The following SYN3 variants were observed in gnomAD, a reference collection of about 807,000 sequenced individuals.
The protein encoded by SYN3 is synapsin III, also known as synapsin-3.
SYN3 carries 35 observed loss-of-function variants against 65.8 expected under a neutral mutation model. The ratio of observed to expected loss-of-function variants is 0.53; its 90% CI spans 0.41 to 0.70. The LOEUF (loss-of-function observed/expected upper bound fraction) is 0.70. SYN3 is among the 30% of genes least tolerant of loss of function. SYN3 has a pLI of 0.00. For missense variants in SYN3, 680 were observed against 749.0 expected (o/e 0.91, Z 1.08); for synonymous variants, 270 against 292.9 (o/e 0.92, Z 0.80).
chr22:32,982,836 C>T (rs559039489), intron 2 of SYN3, among the ~76,000 whole-genome samples: 3 of 152,236 alleles, frequency 2.0e-5, no homozygotes, highest in African/African-American at 7.2e-5. Flanking sequence ...AACCTACAGC[C>T]TTTCTCATTA....
chr22:32,508,339 A>G lies in SYN3; in HGVS notation c.*5353T>C, dbSNP rs568241932. On this transcript the variant is annotated 3_prime_UTR_variant, in exon 14 of 14. Transcript: ENST00000358763. ...CCCACCAGAGAACAACCCCCTTTGCATGTAATTTTCCATTACCTTCCCAAA... is the reference window on the plus strand; with the variant it reads ...CCCACCAGAGAACAACCCCCTTTGCGTGTAATTTTCCATTACCTTCCCAAA... 6.6e-6 allele frequency among the ~76,000 whole-genome samples: 1 copy of G among 151,894 alleles called. No homozygotes were observed. The highest frequency in any genetic ancestry group is 2.4e-5 in the African/African-American group (1 of 41,326).
intron 6 of SYN3, among the ~76,000 whole-genome samples, chr22:32,642,901 G>C (rs971830657): frequency 6.6e-6 from 1 of 152,024 alleles, no homozygotes; most frequent in Non-Finnish European, 1.5e-5. Context: ...AAAAAGGTGA[G>C]GATGCATCTC....
chr22:32,856,619 T>C lies in SYN3; in HGVS notation c.711+8296A>G, dbSNP rs1405116369. ...ATGTATAGTAATCAAATCAGGGTAA[T>C]TGGGATATTCATAACCTTAAACATT... On this transcript the variant is annotated intron_variant, in intron 6 of 13. Coordinates refer to ENST00000358763, the MANE Select transcript of SYN3 (RefSeq NM_003490.4). Among the ~76,000 whole-genome samples the C allele has an allele frequency of 2.0e-5, 3 of 152,226 alleles. 1 individual carries two copies. The East Asian group carries it at 5.8e-4, about 29-fold the overall frequency.
intron 6 of SYN3, among the ~76,000 whole-genome samples, chr22:32,758,544 G>A (rs909006907): frequency 1.3e-5 from 2 of 150,234 alleles, no homozygotes; most frequent in African/African-American, 4.9e-5. Context: ...CTCCCGTGCT[G>A]GATGCTTCCT....
chr22:32,793,980 A>G (rs2046375227), intron 6 of SYN3, among the ~76,000 whole-genome samples: 1 of 152,340 alleles, frequency 6.6e-6, no homozygotes, highest in African/African-American at 2.4e-5. Flanking sequence ...AAGTGCAAAG[A>G]AAGTGTTGGG....
intron 6 of SYN3, among the ~76,000 whole-genome samples, chr22:32,805,555 G>A (rs2046708962): frequency 6.6e-6 from 1 of 152,124 alleles, no homozygotes; most frequent in South Asian, 2.1e-4. Context: ...TCCAGCTGGA[G>A]GAGGGAAGAG....
At chr22:32,951,931 C>G (rs879853108) in intron 3 of SYN3, among the ~76,000 whole-genome samples, 1 of 152,352 alleles carries the variant, frequency 6.6e-6, no homozygotes, top group African/African-American at 2.4e-5. Flanking sequence ...ACTGCTCCAC[C>G]GATGGCAGAC....
intron 4 of SYN3, among the ~76,000 whole-genome samples, chr22:32,873,353 A>C (rs1157974062): frequency 6.6e-6 from 1 of 150,890 alleles, no homozygotes; most frequent in African/African-American, 2.4e-5. Flanking sequence ...GATGGATTCA[A>C]CTCTGTTAAG....
intron 3 of SYN3, among the ~76,000 whole-genome samples, chr22:32,936,420 T>A (rs941921380): frequency 6.6e-6 from 1 of 152,142 alleles, no homozygotes; most frequent in Non-Finnish European, 1.5e-5. Flanking sequence ...AGATTGAAGT[T>A]CAGGGTAGCC....
At chr22:32,747,628 G>A (rs1367559591) in intron 6 of SYN3, among the ~76,000 whole-genome samples, 1 of 152,212 alleles carries the variant, frequency 6.6e-6, no homozygotes, top group Non-Finnish European at 1.5e-5. Context: ...AAGCCAATGA[G>A]TAGCCTAGAT....
intron 3 of SYN3, among the ~76,000 whole-genome samples, chr22:32,963,279 G>A (rs1475985977): frequency 2.1e-5 from 3 of 145,904 alleles, no homozygotes; most frequent in Non-Finnish European, 4.5e-5. Context: ...TAGAGACAGG[G>A]TTTCACCATG....
At chr22:32,816,384 T>C (rs537049518) in intron 6 of SYN3, among the ~76,000 whole-genome samples, 2 of 152,242 alleles carry the variant, frequency 1.3e-5, no homozygotes, top group East Asian at 1.9e-4. Context: ...AAATGGGTCA[T>C]TGGGTGAGCA....
chr22:32,744,093 C>G (rs1277894415), intron 6 of SYN3, among the ~76,000 whole-genome samples: 5 of 152,170 alleles, frequency 3.3e-5, no homozygotes, highest in Non-Finnish European at 7.3e-5. Context: ...CAGTGCAAAC[C>G]TACTGTAGAG....
At chr22:32,866,360 G>A (rs2048689011) in intron 5 of SYN3, among the ~76,000 whole-genome samples, 1 of 152,158 alleles carries the variant, frequency 6.6e-6, no homozygotes, top group South Asian at 2.1e-4. Context: ...AACTTCGAGG[G>A]TTTAAGAGAA....
intron 6 of SYN3, among the ~76,000 whole-genome samples, chr22:32,847,295 C>T (rs939857207): frequency 1.3e-5 from 2 of 152,160 alleles, no homozygotes; most frequent in African/African-American, 4.8e-5. Context: ...AGAATACTAC[C>T]GCAATGTTAG....
chr22:32,741,597 C>T lies in SYN3; in HGVS notation c.711+123318G>A, dbSNP rs576143548. On this transcript the variant is annotated intron_variant, in intron 6 of 13. Coordinates refer to ENST00000358763, the MANE Select transcript of SYN3 (RefSeq NM_003490.4). The stretch of plus-strand genomic sequence containing the variant: ...GTCTCGATCTCCTGACCTCGTGATC[C>T]GCCTGCCTCGGCCTCCCAAAGTGCT... Among the ~76,000 whole-genome samples the T allele has an allele frequency of 1.9e-3, 287 of 151,918 alleles. 2 individuals are homozygous for T. Among genetic ancestry groups the T allele is most frequent in the Admixed American group, 2.2e-3 (33 of 15,264 alleles).
At chr22:33,011,534 T>C (rs1369066002) in intron 1 of SYN3, among the ~76,000 whole-genome samples, 1 of 152,138 alleles carries the variant, frequency 6.6e-6, no homozygotes, top group African/African-American at 2.4e-5. Context: ...TCTGTGGTTT[T>C]ATTTTTTGGC....
At chr22:32,582,403 G>A (rs2058962385) in intron 7 of SYN3, among the ~76,000 whole-genome samples, 1 of 150,666 alleles carries the variant, frequency 6.6e-6, no homozygotes, top group Non-Finnish European at 1.5e-5. Flanking sequence ...AGGCTGGAGT[G>A]CAGTGGTGTG....
chr22:32,541,805 G>A (rs535233079), intron 7 of SYN3, 92 bp from the exon 8 acceptor site: 144 of 1,446,772 alleles, frequency 1.0e-4, no homozygotes, highest in Non-Finnish European at 1.2e-4. Flanking sequence ...CTATAGACAC[G>A]AATTCCCTTC....
Sources: gnomAD v4.1 joint callset for allele counts (sites outside exome capture counted in the v4.1 genomes callset) on GRCh38, gnomAD v4.1.1 for gene constraint, MANE v1.5 for transcripts, NCBI Gene and HGNC (gene_info 2026-07-23, HGNC 2026-07-21) for gene names.